The following VPS41 variants were observed in gnomAD, a reference collection of about 807,000 sequenced individuals.
VPS41 encodes vacuolar protein sorting-associated protein 41 homolog.
A neutral mutation model predicts 130.9 loss-of-function variants in VPS41; 85 were observed. The ratio of observed to expected loss-of-function variants is 0.65; its 90% CI spans 0.55 to 0.78. VPS41 has a LOEUF of 0.78. VPS41 is among the 30% of genes least tolerant of loss of function. The probability of loss-of-function intolerance (pLI) is 0.00; values close to 1 mark genes in which losing one functional copy is unlikely to be tolerated. For synonymous variants in VPS41, 335 were observed against 332.9 expected (o/e 1.01, Z -0.07); for missense variants, 874 against 1,018.7 (o/e 0.86, Z 1.93).
chr7:38,891,817 C>T (rs1210490076), intron 2 of VPS41, among the ~76,000 whole-genome samples: 2 of 152,068 alleles, frequency 1.3e-5, no homozygotes, highest in African/African-American at 4.8e-5. Flanking sequence ...CAATTCATTT[C>T]TGGATATTTA....
intron 14 of VPS41, among the ~76,000 whole-genome samples, chr7:38,770,870 CT>C (rs1279689950): frequency 1.3e-5 from 2 of 152,112 alleles, no homozygotes; most frequent in South Asian, 2.1e-4. Context: ...GGAAACCTCT[CT>C]TTTTTTGATA....
chr7:38,830,337 A>C lies in VPS41; in HGVS notation c.247-9T>G. On this transcript the variant is annotated splice_polypyrimidine_tract_variant and intron_variant, in intron 4 of 28. Coordinates refer to ENST00000310301, the MANE Select transcript of VPS41 (RefSeq NM_014396.4). ...TTTATCTTCACAGGACTCTAAAAAG[A>C]AAAAGACAAAAAGATGTGTAAAACT... The C allele has an allele frequency of 6.4e-7, 1 of 1,555,756 alleles. No individual in the cohort carries two copies. The highest frequency in any genetic ancestry group is 2.2e-5 in the East Asian group (1 of 44,588).
chr7:38,823,316 C>T (rs1380997734), intron 5 of VPS41, among the ~76,000 whole-genome samples: 2 of 152,116 alleles, frequency 1.3e-5, no homozygotes, highest in East Asian at 1.9e-4. Flanking sequence ...AATAACAAGG[C>T]GCCATCTTGG....
intron 1 of VPS41, among the ~76,000 whole-genome samples, chr7:38,905,523 GT>G (rs1310696539): frequency 6.6e-6 from 1 of 152,136 alleles, no homozygotes; most frequent in Non-Finnish European, 1.5e-5. Context: ...CTAAAAAGTG[GT>G]TTTAGTTTCA....
At chr7:38,783,224 T>C (rs1045391005) in intron 10 of VPS41, among the ~76,000 whole-genome samples, 2 of 151,624 alleles carry the variant, frequency 1.3e-5, no homozygotes, top group East Asian at 2.0e-4. Flanking sequence ...TTAAAGGAGA[T>C]TGTGAGTCTG....
chr7:38,892,978 C>T (rs1294325431), intron 2 of VPS41, among the ~76,000 whole-genome samples: 1 of 152,188 alleles, frequency 6.6e-6, no homozygotes, highest in Non-Finnish European at 1.5e-5. Context: ...CTCTACACTC[C>T]TCCTATCTCT....
intron 15 of VPS41, 74 bp downstream of exon 15, chr7:38,767,463 A>C (rs938893946): frequency 1.0e-6 from 1 of 975,396 alleles, no homozygotes; most frequent in Non-Finnish European, 1.5e-6. Context: ...ACTGCAAAGA[A>C]TGGCTTATTT....
intron 15 of VPS41, among the ~76,000 whole-genome samples, chr7:38,765,935 C>T (rs1784034458): frequency 6.6e-6 from 1 of 152,120 alleles, no homozygotes; most frequent in Admixed American, 6.5e-5. Context: ...AGGGGCTTTC[C>T]CAACTATCTG....
intron 10 of VPS41, among the ~76,000 whole-genome samples, chr7:38,782,606 T>C (rs1296988253): frequency 6.6e-6 from 1 of 152,180 alleles, no homozygotes; most frequent in African/African-American, 2.4e-5. Context: ...TTTTCACATA[T>C]TGCTGTTATA....
rs76389651 is a variant in VPS41, at chr7:38,877,178, A to C, written c.61-7925T>G. ...TACCTAATAAAGACCAGTGAAAACA[A>C]ACGTATGTAGTAACAGCAGACCAGG... On this transcript the variant is annotated intron_variant, in intron 2 of 28. Transcript: ENST00000310301. Among the ~76,000 whole-genome samples the C allele has an allele frequency of 9.4e-4, 143 of 152,294 alleles. 1 individual carries two copies. In the East Asian group the frequency reaches 0.025, roughly 27 times the overall value.
intron 27 of VPS41, chr7:38,727,276 C>A (rs762633246): frequency 1.6e-4 from 34 of 208,462 alleles, no homozygotes; most frequent in Non-Finnish European, 2.8e-4. Context: ...TGTGCCAATG[C>A]GCCCCTAACC....
At chr7:38,775,491 A>G (rs745594215) in intron 11 of VPS41, 1 of 151,966 alleles carries the variant, frequency 6.6e-6, no homozygotes, top group Non-Finnish European at 1.5e-5. Flanking sequence ...ATTTCTTCCA[A>G]TCACATTCTC....
At chr7:38,746,188 A>G (rs990089209) in intron 22 of VPS41, among the ~76,000 whole-genome samples, 2 of 152,136 alleles carry the variant, frequency 1.3e-5, no homozygotes, top group Non-Finnish European at 2.9e-5. Flanking sequence ...GAAGGAAAAA[A>G]CACTTTTGAT....
chr7:38,836,139 T>G lies in VPS41; in HGVS notation c.247-5811A>C, dbSNP rs1339452988. 5.9e-5 allele frequency among the ~76,000 whole-genome samples: 9 copies of G among 152,080 alleles called. 1 individual carries two copies. The highest frequency in any genetic ancestry group is 5.9e-4 in the Admixed American group (9 of 15,276). ...TTAGCATTGGCTTAGTTACATTATT[T>G]TATAGTTTTTATGTTTCCCCATTTC... is the stretch of plus-strand genomic sequence containing the variant. On this transcript the variant is annotated intron_variant, in intron 4 of 28. Transcript: ENST00000310301.
intron 7 of VPS41, among the ~76,000 whole-genome samples, chr7:38,809,417 A>T (rs1018029146): frequency 8.6e-5 from 13 of 150,342 alleles, no homozygotes; most frequent in Admixed American, 6.0e-4. Context: ...AGAAAAAAAT[A>T]AAAATGTTGA....
chr7:38,797,258 T>G (rs1784640266), intron 7 of VPS41, among the ~76,000 whole-genome samples: 1 of 152,226 alleles, frequency 6.6e-6, no homozygotes, highest in South Asian at 2.1e-4. Flanking sequence ...TCACTGAAAA[T>G]AAGATATTAG....
rs1346539280 is a variant in VPS41, at chr7:38,897,649, A to G, written c.60+442T>C. Among the ~76,000 whole-genome samples the G allele has an allele frequency of 6.6e-5, 10 of 151,532 alleles. No homozygotes were observed. In the South Asian group the frequency reaches 1.5e-3, roughly 22 times the overall value. ...AACAGAGCGAGACTCCGTCTCAAAA[A>G]AAAAAAAAAAAAAGAAGCAAACTCC... On this transcript the variant is annotated intron_variant, in intron 2 of 28. Transcript: ENST00000310301.
At chr7:38,731,786 A>T (rs1795668935) in intron 25 of VPS41, among the ~76,000 whole-genome samples, 1 of 21,572 alleles carries the variant, frequency 4.6e-5, no homozygotes, top group Non-Finnish European at 2.1e-4. Flanking sequence ...TGAAATATTA[A>T]AAAAAAACTG....
At chr7:38,746,753 C>A (rs892930255) in intron 22 of VPS41, among the ~76,000 whole-genome samples, 1 of 152,186 alleles carries the variant, frequency 6.6e-6, no homozygotes, top group Non-Finnish European at 1.5e-5. Context: ...CCACGACTTA[C>A]AAGGCATCCA....
Sources: allele counts gnomAD v4.1 joint callset (sites outside exome capture counted in the v4.1 genomes callset), GRCh38; gene constraint gnomAD v4.1.1; transcripts MANE v1.5; gene names NCBI Gene and HGNC (gene_info 2026-07-23, HGNC 2026-07-21).